ARID5B: variants seen among roughly 807,000 people sequenced by gnomAD.
ARID5B encodes AT-rich interactive domain-containing protein 5B.
In ARID5B, 13 loss-of-function variants were observed where a neutral mutation model predicts 97.2. The observed-to-expected ratio is 0.13, with a 90% confidence interval of 0.09 to 0.21. The LOEUF is 0.21. ARID5B is among the 10% of genes least tolerant of loss of function. The pLI is 1.00. For synonymous variants in ARID5B, 556 were observed against 570.3 expected (o/e 0.97, Z 0.36); for missense variants, 1,210 against 1,465.3 (o/e 0.83, Z 2.84).
rs1166908296 is a variant in ARID5B at position 61,940,303 on chromosome 10, G to A, written c.397G>A (p.Ala133Thr). The change falls in exon 3 of 10, where the codon GCC (alanine) becomes ACC (threonine). Residue 133 changes from alanine (A) to threonine (T), a missense_variant. Physicochemically the swap from Ala to Thr is moderately conservative, Grantham distance 58. Transcript: ENST00000279873. The part of the protein sequence containing the change: ...GFHAGPVKTE[A>T]LGRNGQKEAL... Reference sequence around the variant, plus strand: ...CCACGCTGGACCAGTGAAAACTGAGGCCTTGGGAAGGAATGGACAGAAGGA... The same window carrying A: ...CCACGCTGGACCAGTGAAAACTGAGACCTTGGGAAGGAATGGACAGAAGGA... 1.2e-6 allele frequency: 2 copies of A among 1,614,194 alleles called. No homozygotes were observed. The highest frequency in any genetic ancestry group is 2.2e-5 in the South Asian group (2 of 91,088).
chr10:61,917,535 G>C (rs1051927613), intron 2 of ARID5B, among the ~76,000 whole-genome samples: 1 of 152,110 alleles, frequency 6.6e-6, no homozygotes. Context: ...TGCCATGTTG[G>C]TCAGGCTGGT....
At chr10:61,967,403 C>T (rs1479689314) in intron 3 of ARID5B, among the ~76,000 whole-genome samples, 5 of 152,152 alleles carry the variant, frequency 3.3e-5, no homozygotes, top group South Asian at 2.1e-4. Context: ...ATCCATTGGC[C>T]GTTAGTGAAT....
intron 8 of ARID5B, among the ~76,000 whole-genome samples, chr10:62,077,387 TC>T (rs1416309186): frequency 6.6e-6 from 1 of 152,226 alleles, no homozygotes; most frequent in Non-Finnish European, 1.5e-5. Context: ...ATTTAAAAAT[TC>T]TTAAATTTGC....
chr10:61,903,023 C>T (rs2132748092), intron 2 of ARID5B, among the ~76,000 whole-genome samples: 1 of 152,218 alleles, frequency 6.6e-6, no homozygotes, highest in South Asian at 2.1e-4. Flanking sequence ...GATTTCAAAG[C>T]GGTGGTGTAA....
In ARID5B at chr10:62,006,748, T is replaced by C. The variant is rs750632252; in HGVS notation, c.733+6427T>C. ...CATTTCTCTTGGGAAAAGAATTTTG[T>C]GTGTTGCTACTGTAAATTAATTTAC... On this transcript the variant is annotated intron_variant, in intron 4 of 9. Transcript: ENST00000279873. Among the ~76,000 whole-genome samples the C allele has an allele frequency of 2.0e-4, 31 of 152,346 alleles. 1 individual carries two copies. Among genetic ancestry groups the C allele is most frequent in the Middle Eastern group, 3.4e-3 (1 of 294 alleles).
rs1245093355 is a variant in ARID5B at position 62,046,012 on chromosome 10, T to G, written c.734-4876T>G. Among the ~76,000 whole-genome samples, 4 of 152,124 alleles carry G rather than the reference T, an allele frequency of 2.6e-5. No individual in the cohort carries two copies. In the East Asian group the frequency reaches 7.7e-4, roughly 29 times the overall value. Reference sequence around the variant, plus strand: ...TGGTTTTCCATTCCCCTGATTCCAGTCCCTACCAACAAGTAAATCCTATCT... The same window carrying G: ...TGGTTTTCCATTCCCCTGATTCCAGGCCCTACCAACAAGTAAATCCTATCT... On this transcript the variant is annotated intron_variant, in intron 4 of 9. Coordinates refer to ENST00000279873, the MANE Select transcript of ARID5B (RefSeq NM_032199.3).
intron 4 of ARID5B, among the ~76,000 whole-genome samples, chr10:62,016,078 G>A (rs778545025): frequency 8.5e-5 from 13 of 152,174 alleles, no homozygotes; most frequent in Non-Finnish European, 1.9e-4. Flanking sequence ...ATCACTGTAC[G>A]TAGCTGGCTC....
chr10:62,057,022 C>T (rs1839865044), intron 5 of ARID5B, 95 bp from the exon 6 acceptor site: 3 of 1,161,438 alleles, frequency 2.6e-6, no homozygotes, highest in Non-Finnish European at 2.5e-6. Context: ...CCTTAGCACT[C>T]ACTGAAAAGT....
At chr10:62,079,876 A>AAG (rs1406157766) in intron 8 of ARID5B, among the ~76,000 whole-genome samples, 1 of 152,172 alleles carries the variant, frequency 6.6e-6, no homozygotes, top group Admixed American at 6.5e-5. Flanking sequence ...TTTCCCAGAA[A>AAG]AGAGACCTTT....
chr10:62,001,630 G>A (rs553377371), intron 4 of ARID5B, among the ~76,000 whole-genome samples: 3 of 152,158 alleles, frequency 2.0e-5, no homozygotes, highest in Non-Finnish European at 4.4e-5. Flanking sequence ...GAGTTGGGGT[G>A]AGGATGAGGA....
At chr10:61,916,891 A>G (rs897802705) in intron 2 of ARID5B, among the ~76,000 whole-genome samples, 1 of 152,190 alleles carries the variant, frequency 6.6e-6, no homozygotes, top group African/African-American at 2.4e-5. Flanking sequence ...GCACAGGTGT[A>G]AGTGCCCTCT....
intron 3 of ARID5B, among the ~76,000 whole-genome samples, chr10:61,977,185 A>G (rs1157461752): frequency 3.9e-5 from 6 of 152,128 alleles, no homozygotes; most frequent in Admixed American, 3.3e-4. Context: ...AAAGACATGA[A>G]CTCATCCTTT....
chr10:62,022,976 C>A (rs1839375345), intron 4 of ARID5B, among the ~76,000 whole-genome samples: 1 of 152,214 alleles, frequency 6.6e-6, no homozygotes, highest in Admixed American at 6.5e-5. Flanking sequence ...TTGATAAGGT[C>A]TTTAGTCAAT....
chr10:61,913,611 T>C (rs1564599578), intron 2 of ARID5B, among the ~76,000 whole-genome samples: 2 of 152,182 alleles, frequency 1.3e-5, no homozygotes, highest in African/African-American at 4.8e-5. Flanking sequence ...AGTAGGCAAG[T>C]GCTTCCCGTG....
intron 3 of ARID5B, among the ~76,000 whole-genome samples, chr10:61,989,221 G>A (rs1344438742): frequency 6.6e-6 from 1 of 152,122 alleles, no homozygotes; most frequent in Non-Finnish European, 1.5e-5. Flanking sequence ...GAGCCACCGT[G>A]TGCGGCCAGT....
chr10:62,070,752 G>T (rs996774661), intron 8 of ARID5B, among the ~76,000 whole-genome samples: 2 of 152,180 alleles, frequency 1.3e-5, no homozygotes, highest in South Asian at 4.2e-4. Flanking sequence ...TACTTGGCAG[G>T]GTTGTAATTC....
intron 7 of ARID5B, among the ~76,000 whole-genome samples, chr10:62,062,466 A>G (rs1467598417): frequency 6.6e-6 from 1 of 152,180 alleles, no homozygotes; most frequent in Non-Finnish European, 1.5e-5. Context: ...TGCCCAGGTG[A>G]TGTTAATTCA....
intron 2 of ARID5B, among the ~76,000 whole-genome samples, chr10:61,922,242 G>A (rs1218630605): frequency 1.3e-5 from 2 of 152,150 alleles, no homozygotes; most frequent in African/African-American, 2.4e-5. Flanking sequence ...ATGAGAAATC[G>A]GCAGAGAGAA....
At chr10:61,921,583 A>T (rs1024999877) in intron 2 of ARID5B, among the ~76,000 whole-genome samples, 13 of 152,046 alleles carry the variant, frequency 8.6e-5, no homozygotes, top group Admixed American at 2.6e-4. Flanking sequence ...TCCTTTTATA[A>T]CCTGATGCTG....
Sources: allele counts gnomAD v4.1 joint callset (sites outside exome capture counted in the v4.1 genomes callset), GRCh38; gene constraint gnomAD v4.1.1; transcripts MANE v1.5; gene names NCBI Gene and HGNC (gene_info 2026-07-23, HGNC 2026-07-21).